The following PRKN variants were observed in gnomAD, a reference collection of about 807,000 sequenced individuals.
PRKN encodes parkin RBR E3 ubiquitin protein ligase.
Under a neutral mutation model 59.5 loss-of-function variants are expected in PRKN, and 56 were observed. The ratio of observed to expected loss-of-function variants is 0.94; its 90% CI spans 0.76 to 1.18. The LOEUF is 1.18. Ranked by LOEUF, PRKN falls within the 50% of genes most tolerant of loss-of-function variation. PRKN has a pLI of 0.00. For synonymous variants in PRKN, 250 were observed against 222.1 expected (o/e 1.13, Z -1.12); for missense variants, 657 against 596.4 (o/e 1.10, Z -1.06).
chr6:162,406,776 T>C lies in PRKN; in HGVS notation c.171+36534A>G, dbSNP rs535431766. On this transcript the variant is annotated intron_variant, in intron 2 of 11. Coordinates refer to ENST00000366898, the MANE Select transcript of PRKN (RefSeq NM_004562.3). Reference sequence around the variant, plus strand: ...CCACCCGCCAGCTTCTCCTCCCCTCTTCCACACGGGTGCATGGCTGCCACC... The same window carrying C: ...CCACCCGCCAGCTTCTCCTCCCCTCCTCCACACGGGTGCATGGCTGCCACC... Among the ~76,000 whole-genome samples, 5 of 152,210 alleles carry C rather than the reference T, an allele frequency of 3.3e-5. No homozygotes were observed. The South Asian group carries it at 8.3e-4, about 25-fold the overall frequency.
At position 161,552,787 on chromosome 6, in the gene PRKN, G is replaced by GTTTT. The variant is rs368591221; in HGVS notation, c.934-3788_934-3785dup. Reference sequence around the variant, plus strand: ...TAAAAGACACCATGGTTTTGTTGTTGTTTTTGTTTTTTGTTTTTTTTTTTT... The same window carrying GTTTT: ...TAAAAGACACCATGGTTTTGTTGTTGTTTTTTTTTGTTTTTTGTTTTTTTTTTTT... On this transcript the variant is annotated intron_variant, in intron 8 of 11. Coordinates refer to ENST00000366898, the MANE Select transcript of PRKN (RefSeq NM_004562.3). The surrounding 1 kb of genome is among the most constrained non-coding windows in gnomAD (Gnocchi z 4.9). 2.3e-5 allele frequency among the ~76,000 whole-genome samples: 2 copies of GTTTT among 86,504 alleles called. No homozygotes were observed. The highest frequency in any genetic ancestry group is 7.8e-5 in the African/African-American group (2 of 25,794). The allele number at this position is 86,504 out of a possible 152,430, so 56.7% of individuals were successfully genotyped here. A position where few individuals can be genotyped will look rare whatever the true frequency, so the allele number is the denominator to read the frequency against.
intron 1 of PRKN, among the ~76,000 whole-genome samples, chr6:162,477,577 C>T (rs981235599): frequency 2.6e-5 from 4 of 152,176 alleles, no homozygotes; most frequent in African/African-American, 9.7e-5. Flanking sequence ...TCATTGAGAA[C>T]AAGATGCAAA....
At chr6:162,677,768 G>A (rs545151005) in intron 1 of PRKN, among the ~76,000 whole-genome samples, 3 of 152,236 alleles carry the variant, frequency 2.0e-5, no homozygotes, top group East Asian at 1.9e-4. Context: ...TTGAAAAAGC[G>A]CTTACCTAGG....
chr6:162,065,803 G>C (rs1778314492), intron 4 of PRKN, among the ~76,000 whole-genome samples: 1 of 152,034 alleles, frequency 6.6e-6, no homozygotes, highest in South Asian at 2.1e-4. Flanking sequence ...TCCCACCTAT[G>C]AGTGAGAACA....
chr6:162,392,474 G>T (rs1016867214), intron 2 of PRKN, among the ~76,000 whole-genome samples: 1 of 152,098 alleles, frequency 6.6e-6, no homozygotes, highest in East Asian at 1.9e-4. Context: ...TAATGTCTCT[G>T]ATTCTACAAC....
chr6:161,620,243 C>T (rs1782848151), intron 7 of PRKN, among the ~76,000 whole-genome samples: 1 of 151,056 alleles, frequency 6.6e-6, no homozygotes, highest in Non-Finnish European at 1.5e-5. Flanking sequence ...CTCAGGTGAT[C>T]CGCCCGCCTC....
intron 9 of PRKN, among the ~76,000 whole-genome samples, chr6:161,517,875 G>A (rs191588181): frequency 6.6e-6 from 1 of 151,940 alleles, no homozygotes; most frequent in African/African-American, 2.4e-5. Flanking sequence ...CTATGCAAGA[G>A]GTAGCCATTT....
At chr6:161,504,570 A>T (rs574716763) in intron 9 of PRKN, among the ~76,000 whole-genome samples, 87 of 151,796 alleles carry the variant, frequency 5.7e-4, no homozygotes, top group Non-Finnish European at 6.9e-4. Context: ...CATGTGCACA[A>T]TGTGCAGGTT....
chr6:161,456,238 C>T lies in PRKN; in HGVS notation c.1084-69361G>A, dbSNP rs1789962940. Reference sequence around the variant, plus strand: ...GGATGGGCGAAATTGAATCGGCTGCCAGTGCAGCTAAGATAAAAGCAGGCA... The same window carrying T: ...GGATGGGCGAAATTGAATCGGCTGCTAGTGCAGCTAAGATAAAAGCAGGCA... On this transcript the variant is annotated intron_variant, in intron 9 of 11. Transcript: ENST00000366898. The surrounding 1 kb of genome is among the most constrained non-coding windows in gnomAD (Gnocchi z 4.8). 6.6e-6 allele frequency among the ~76,000 whole-genome samples: 1 copy of T among 152,202 alleles called. No individual in the cohort carries two copies. The highest frequency in any genetic ancestry group is 6.5e-5 in the Admixed American group (1 of 15,288).
At chr6:161,495,793 A>G (rs1173148312) in intron 9 of PRKN, among the ~76,000 whole-genome samples, 1 of 152,150 alleles carries the variant, frequency 6.6e-6, no homozygotes, top group Non-Finnish European at 1.5e-5. Flanking sequence ...CATCATTTCT[A>G]GAATCTAATT....
intron 4 of PRKN, among the ~76,000 whole-genome samples, chr6:162,107,072 T>A (rs1362924523): frequency 6.6e-6 from 1 of 152,030 alleles, no homozygotes; most frequent in African/African-American, 2.4e-5. Context: ...GAGCGTAGGG[T>A]TAGAAGAAAA....
At chr6:162,439,712 T>C (rs1290004118) in intron 2 of PRKN, among the ~76,000 whole-genome samples, 2 of 152,106 alleles carry the variant, frequency 1.3e-5, no homozygotes, top group Non-Finnish European at 2.9e-5. Context: ...CTACTCAACA[T>C]GAAGACAAAG....
intron 1 of PRKN, among the ~76,000 whole-genome samples, chr6:162,557,907 CTT>C (rs1418792491): frequency 6.6e-6 from 1 of 152,188 alleles, no homozygotes; most frequent in Non-Finnish European, 1.5e-5. Context: ...AAATTCTTCT[CTT>C]GTTACATGAG....
intron 5 of PRKN, among the ~76,000 whole-genome samples, chr6:162,039,009 A>T (rs1783956244): frequency 6.6e-6 from 1 of 152,036 alleles, no homozygotes; most frequent in African/African-American, 2.4e-5. Flanking sequence ...ACAAAAAATG[A>T]GCCAGGCGTG....
intron 2 of PRKN, among the ~76,000 whole-genome samples, chr6:162,342,217 TCA>T (rs1214560023): frequency 6.6e-6 from 1 of 152,328 alleles, no homozygotes; most frequent in African/African-American, 2.4e-5. Flanking sequence ...GATGCTGAAC[TCA>T]GTTTCTGTCA....
chr6:161,396,009 G>A lies in PRKN; in HGVS notation c.1084-9132C>T, dbSNP rs1431706966. On this transcript the variant is annotated intron_variant, in intron 9 of 11. Transcript: ENST00000366898. This position sits in a 1 kb window ranked among gnomAD's most constrained non-coding sequence, Gnocchi z 5.4. ...AGCTTCCCTCACTTGTGGCTGTGTC[G>A]TGAGCCTCAGCTTTGCAGACTTGGC... Among the ~76,000 whole-genome samples the A allele has an allele frequency of 6.6e-6, 1 of 152,134 alleles. No homozygotes were observed. The highest frequency in any genetic ancestry group is 6.5e-5 in the Admixed American group (1 of 15,280).
chr6:161,526,991 T>A lies in PRKN; in HGVS notation c.1083+21863A>T, dbSNP rs1415522234. Among the ~76,000 whole-genome samples, 1 of 152,128 alleles carries A rather than the reference T, an allele frequency of 6.6e-6. No homozygotes were observed. Among genetic ancestry groups the A allele is most frequent in the Non-Finnish European group, 1.5e-5 (1 of 68,026 alleles). On this transcript the variant is annotated intron_variant, in intron 9 of 11. Transcript: ENST00000366898. This position sits in a 1 kb window ranked among gnomAD's most constrained non-coding sequence, Gnocchi z 4.1. ...GGAAATGTATGATGAACAAAGGCTA[T>A]CTTGTTATACCGATAGAAAGCCTCA... is the stretch of plus-strand genomic sequence containing the variant.
Position 161,448,536 on chromosome 6 carries a change from C to T in PRKN, c.1084-61659G>A, listed in dbSNP as rs900175460. On this transcript the variant is annotated intron_variant, in intron 9 of 11. Transcript: ENST00000366898. This position sits in a 1 kb window ranked among gnomAD's most constrained non-coding sequence, Gnocchi z 5.1. ...ACAGACATAAAGATCTTGCGATTCT[C>T]TTATCCCAGTTTCTTCCGTCTTTCT... Among the ~76,000 whole-genome samples, 4 of 152,332 alleles carry T rather than the reference C, an allele frequency of 2.6e-5. No homozygotes were observed. Among genetic ancestry groups the T allele is most frequent in the Admixed American group, 2.6e-4 (4 of 15,300 alleles).
chr6:162,616,316 T>A (rs1333720855), intron 1 of PRKN, among the ~76,000 whole-genome samples: 2 of 152,104 alleles, frequency 1.3e-5, no homozygotes, highest in Admixed American at 1.3e-4. Context: ...CTTATTTCTA[T>A]CTCTAGCATC....
Sources: allele counts gnomAD v4.1 joint callset (sites outside exome capture counted in the v4.1 genomes callset), GRCh38; gene constraint gnomAD v4.1.1; non-coding constraint Gnocchi (gnomAD v3.1); transcripts MANE v1.5; gene names NCBI Gene and HGNC (gene_info 2026-07-23, HGNC 2026-07-21).